MAGI1: variants seen among roughly 807,000 people sequenced by gnomAD.
MAGI1 encodes membrane-associated guanylate kinase, WW and PDZ domain-containing protein 1.
In MAGI1, 58 loss-of-function variants were observed where a neutral mutation model predicts 139.9. The observed-to-expected ratio is 0.41, with a 90% confidence interval of 0.34 to 0.52. MAGI1 has a LOEUF of 0.52. MAGI1 is among the 20% of genes least tolerant of loss of function. The pLI is 0.12. For synonymous variants in MAGI1, 812 were observed against 737.9 expected (o/e 1.10, Z -1.63); for missense variants, 1,874 against 1,901.6 (o/e 0.99, Z 0.27).
intron 1 of MAGI1, among the ~76,000 whole-genome samples, chr3:65,878,922 T>C (rs1404665879): frequency 1.3e-5 from 2 of 152,058 alleles, no homozygotes; most frequent in Admixed American, 1.3e-4. Flanking sequence ...GGCAGTTTCC[T>C]TCTCCAAGGC....
intron 2 of MAGI1, among the ~76,000 whole-genome samples, chr3:65,574,264 T>C (rs1005384688): frequency 6.6e-6 from 1 of 151,198 alleles, no homozygotes; most frequent in East Asian, 1.9e-4. Context: ...CATACATATA[T>C]GTAAACTGCT....
intron 1 of MAGI1, among the ~76,000 whole-genome samples, chr3:65,720,611 C>A (rs1204199949): frequency 6.6e-6 from 1 of 152,156 alleles, no homozygotes; most frequent in Non-Finnish European, 1.5e-5. Flanking sequence ...CTCCTCAGGA[C>A]CTTATACATC....
At chr3:65,685,474 T>C (rs1277453364) in intron 1 of MAGI1, among the ~76,000 whole-genome samples, 1 of 152,194 alleles carries the variant, frequency 6.6e-6, no homozygotes, top group Non-Finnish European at 1.5e-5. Context: ...TCCAGTGTTA[T>C]AAAAACTGCT....
At chr3:65,381,435 C>A (rs974217925) in intron 16 of MAGI1, among the ~76,000 whole-genome samples, 10 of 152,014 alleles carry the variant, frequency 6.6e-5, no homozygotes, top group Non-Finnish European at 1.0e-4. Context: ...AAAAAAAAAT[C>A]TTGGTTTAAT....
chr3:65,918,104 G>T (rs2061994667), intron 1 of MAGI1, among the ~76,000 whole-genome samples: 1 of 151,286 alleles, frequency 6.6e-6, no homozygotes, highest in African/African-American at 2.4e-5. Context: ...GAAGTCTATT[G>T]TTTTTAAACA....
intron 1 of MAGI1, among the ~76,000 whole-genome samples, chr3:65,786,147 G>C (rs1473117309): frequency 6.6e-6 from 1 of 151,314 alleles, no homozygotes; most frequent in African/African-American, 2.4e-5. Flanking sequence ...GTAGAGATGG[G>C]ATTTCGCCTT....
At chr3:65,643,680 C>CAACAAA (rs1553684993) in intron 1 of MAGI1, among the ~76,000 whole-genome samples, 1 of 149,252 alleles carries the variant, frequency 6.7e-6, no homozygotes, top group African/African-American at 2.5e-5. Flanking sequence ...ACAACAACAA[C>CAACAAA]AAAGCCTGTT....
chr3:65,603,032 T>G (rs1259223464), intron 2 of MAGI1, among the ~76,000 whole-genome samples: 1 of 152,120 alleles, frequency 6.6e-6, no homozygotes, highest in Non-Finnish European at 1.5e-5. Flanking sequence ...AATGAAACTA[T>G]CTTAAGAAGC....
chr3:65,844,981 C>T lies in MAGI1; in HGVS notation c.313+193015G>A, dbSNP rs987959954. ...GAAATCCTTGGGCATAGGCGGGGCA[C>T]GGTTGCTCACACTGTAATCCCAGCA... On this transcript the variant is annotated intron_variant, in intron 1 of 22. Transcript: ENST00000402939. Among the ~76,000 whole-genome samples, 7 of 151,976 alleles carry T rather than the reference C, an allele frequency of 4.6e-5. 1 individual carries two copies. The highest frequency in any genetic ancestry group is 4.1e-4 in the South Asian group (2 of 4,824).
chr3:65,987,865 G>A (rs568570043), intron 1 of MAGI1, among the ~76,000 whole-genome samples: 83 of 152,296 alleles, frequency 5.4e-4, no homozygotes, highest in African/African-American at 1.0e-3. Flanking sequence ...CACTGCTCCC[G>A]ACTACAGTAC....
At chr3:65,608,843 C>A (rs1361821526) in intron 2 of MAGI1, among the ~76,000 whole-genome samples, 1 of 152,048 alleles carries the variant, frequency 6.6e-6, no homozygotes, top group Non-Finnish European at 1.5e-5. Context: ...AAACTGGAAA[C>A]AAATCAACAG....
intron 1 of MAGI1, among the ~76,000 whole-genome samples, chr3:65,826,997 C>T (rs926162002): frequency 2.3e-5 from 2 of 87,352 alleles, no homozygotes; most frequent in East Asian, 1.2e-3. Context: ...CACCATCCCC[C>T]GGTCTGCTGC....
chr3:65,546,388 T>C (rs1010953899), intron 2 of MAGI1, among the ~76,000 whole-genome samples: 4 of 152,222 alleles, frequency 2.6e-5, no homozygotes, highest in East Asian at 1.9e-4. Flanking sequence ...TGTACAGTCC[T>C]TTATGGATCA....
intron 1 of MAGI1, among the ~76,000 whole-genome samples, chr3:65,654,078 T>C (rs984693700): frequency 3.3e-5 from 5 of 152,198 alleles, no homozygotes; most frequent in Non-Finnish European, 5.9e-5. Flanking sequence ...TGTTCCACTA[T>C]CAATAATGGA....
At chr3:65,486,803 C>G (rs1951666763) in intron 3 of MAGI1, among the ~76,000 whole-genome samples, 1 of 152,190 alleles carries the variant, frequency 6.6e-6, no homozygotes, top group South Asian at 2.1e-4. Context: ...AGCATTACAG[C>G]TGTCGGTGGA....
chr3:65,601,567 T>C (rs548448908), intron 2 of MAGI1, among the ~76,000 whole-genome samples: 2 of 152,194 alleles, frequency 1.3e-5, no homozygotes, highest in South Asian at 2.1e-4. Context: ...TTGGGACAAC[T>C]GGATATCCAC....
intron 18 of MAGI1, among the ~76,000 whole-genome samples, chr3:65,374,395 G>A (rs1326861846): frequency 1.5e-5 from 2 of 133,220 alleles, no homozygotes; most frequent in Admixed American, 9.2e-5. Flanking sequence ...TCGGCTCACT[G>A]CAACCTCCGC....
At chr3:65,588,551 T>C (rs2081803799) in intron 2 of MAGI1, among the ~76,000 whole-genome samples, 2 of 152,176 alleles carry the variant, frequency 1.3e-5, no homozygotes, top group South Asian at 4.1e-4. Context: ...ACTCTAATGG[T>C]GAGATGGGCA....
At chr3:65,849,010 T>TC in intron 1 of MAGI1, among the ~76,000 whole-genome samples, 1 of 73,762 alleles carries the variant, frequency 1.4e-5, no homozygotes, top group Non-Finnish European at 2.7e-5. Flanking sequence ...TCTTTTTTTT[T>TC]TTTTTTTTTT....
Sources: allele counts gnomAD v4.1 joint callset (sites outside exome capture counted in the v4.1 genomes callset), GRCh38; gene constraint gnomAD v4.1.1; transcripts MANE v1.5; gene names NCBI Gene and HGNC (gene_info 2026-07-23, HGNC 2026-07-21).